Variants in GRAMD1B observed in about 807,000 individuals in gnomAD.
GRAMD1B encodes protein Aster-B.
GRAMD1B carries 37 observed loss-of-function variants against 99.7 expected under a neutral mutation model. The ratio of observed to expected loss-of-function variants is 0.37; its 90% CI spans 0.29 to 0.49. The LOEUF is 0.49. GRAMD1B is among the 20% of genes least tolerant of loss of function. The pLI is 0.98. For missense variants in GRAMD1B, 888 were observed against 1,009.2 expected, an observed-to-expected ratio of 0.88 and a Z score of 1.63; for synonymous variants, 427 against 387.6, an observed-to-expected ratio of 1.10 and a Z score of -1.19.
chr11:123,417,098 G>C (rs769091041), intron 1 of GRAMD1B, among the ~76,000 whole-genome samples: 5 of 152,190 alleles, frequency 3.3e-5, no homozygotes, highest in African/African-American at 7.2e-5. Flanking sequence ...GTGTAGGCAG[G>C]GTGCAGTGGC....
At chr11:123,580,689 A>G (rs1238083537) in intron 3 of GRAMD1B, among the ~76,000 whole-genome samples, 4 of 152,104 alleles carry the variant, frequency 2.6e-5, no homozygotes, top group East Asian at 3.9e-4. Flanking sequence ...TTCCCTCCCA[A>G]TGAGTTTGTG....
At chr11:123,400,538 C>A (rs923336259) in intron 1 of GRAMD1B, among the ~76,000 whole-genome samples, 2 of 152,018 alleles carry the variant, frequency 1.3e-5, no homozygotes, top group Non-Finnish European at 2.9e-5. Flanking sequence ...GGCTGGAAGT[C>A]CAACATTAAG....
At chr11:123,439,277 A>G (rs1232741319) in intron 1 of GRAMD1B, among the ~76,000 whole-genome samples, 1 of 152,156 alleles carries the variant, frequency 6.6e-6, no homozygotes, top group Non-Finnish European at 1.5e-5. Flanking sequence ...TGGGTTTTCC[A>G]GTGGGAGAAG....
upstream of GRAMD1B, among the ~76,000 whole-genome samples, chr11:123,426,305 G>A (rs1216532851): frequency 6.6e-6 from 1 of 152,174 alleles, no homozygotes; most frequent in Non-Finnish European, 1.5e-5. Flanking sequence ...CCCAGTCTTA[G>A]TCATTCAGGC....
At chr11:123,608,303 T>G (rs899982044) in intron 11 of GRAMD1B, 6 of 590,416 alleles carry the variant, frequency 1.0e-5, no homozygotes, top group Non-Finnish European at 1.5e-5. Context: ...AAAACCCCAT[T>G]CTTTGGGTTT....
intron 1 of GRAMD1B, among the ~76,000 whole-genome samples, chr11:123,432,332 G>A (rs1199771745): frequency 3.3e-5 from 5 of 151,932 alleles, no homozygotes; most frequent in Admixed American, 3.3e-4. Flanking sequence ...CGAAGCGTGT[G>A]GATCACTTGA....
At chr11:123,439,470 G>C (rs1038017720) in intron 1 of GRAMD1B, among the ~76,000 whole-genome samples, 1 of 152,194 alleles carries the variant, frequency 6.6e-6, no homozygotes, top group Admixed American at 6.5e-5. Flanking sequence ...TCCTCACTAG[G>C]AAAATGTGGC....
intron 1 of GRAMD1B, among the ~76,000 whole-genome samples, chr11:123,471,396 A>G (rs1362053003): frequency 6.6e-6 from 1 of 152,200 alleles, no homozygotes; most frequent in African/African-American, 2.4e-5. Flanking sequence ...TGCTTAGTAC[A>G]TAGTTGATGC....
chr11:123,605,928 T>C (rs552130591), intron 10 of GRAMD1B, among the ~76,000 whole-genome samples: 2 of 152,362 alleles, frequency 1.3e-5, no homozygotes, highest in African/African-American at 4.8e-5. Context: ...GTAGACTTTA[T>C]GGAAGCCATA....
At chr11:123,540,930 A>T (rs1944450130) in intron 2 of GRAMD1B, among the ~76,000 whole-genome samples, 1 of 151,984 alleles carries the variant, frequency 6.6e-6, no homozygotes, top group Non-Finnish European at 1.5e-5. Context: ...GTTTTTTTTA[A>T]TTTAAAAATA....
At chr11:123,457,404 C>T (rs1172090436) in intron 1 of GRAMD1B, among the ~76,000 whole-genome samples, 1 of 152,194 alleles carries the variant, frequency 6.6e-6, no homozygotes, top group African/African-American at 2.4e-5. Flanking sequence ...TGGTTTAGTT[C>T]ACGTGTTTTA....
Position 123,610,170 on chromosome 11 carries a change from G to C in GRAMD1B, c.1777-26G>C. ...AAGCTTCTTGCTCCTCTTCAGTTTT[G>C]TCCAATGGACCTTTCCTGCCCGCAG... On this transcript the variant is annotated intron_variant, in intron 13 of 19. Transcript: ENST00000635736. The surrounding 1 kb of genome is among the most constrained non-coding windows in gnomAD (Gnocchi z 4.1). The C allele has an allele frequency of 1.2e-6, 2 of 1,613,246 alleles. No individual in the cohort carries two copies. The highest frequency in any genetic ancestry group is 1.7e-6 in the Non-Finnish European group (2 of 1,179,422).
chr11:123,625,662 C>A lies in GRAMD1B; in HGVS notation c.*3067C>A, dbSNP rs946423944. The stretch of plus-strand genomic sequence containing the variant: ...TGTGGCCTTGGGCAAGTCACTCCCC[C>A]TCTCTGAGCTTCAGTATCCTCCTGT... On this transcript the variant is annotated 3_prime_UTR_variant, in exon 20 of 20. Coordinates refer to ENST00000635736, the MANE Select transcript of GRAMD1B (RefSeq NM_001387025.1). The A allele has an allele frequency of 2.0e-5, 3 of 152,632 alleles. No individual in the cohort carries two copies. Among genetic ancestry groups the A allele is most frequent in the African/African-American group, 4.8e-5 (2 of 41,444 alleles). 9.5% of individuals were successfully genotyped at this position (152,632 alleles called of 1,614,324 possible).
At position 123,592,819 on chromosome 11, in the gene GRAMD1B, C is replaced by T. The variant is rs189845724; in HGVS notation, c.685-1263C>T. Among the ~76,000 whole-genome samples, 396 of 152,212 alleles carry T rather than the reference C, an allele frequency of 2.6e-3. 2 individuals carry two copies. Among genetic ancestry groups the T allele is most frequent in the African/African-American group, 9.3e-3 (388 of 41,524 alleles). ...TGGAGTGTGGGTGTCTCCGTTTGGCCGTGCGTGGCTCGTCCCAGGTTTTGC... is the reference window on the plus strand; with the variant it reads ...TGGAGTGTGGGTGTCTCCGTTTGGCTGTGCGTGGCTCGTCCCAGGTTTTGC... On this transcript the variant is annotated intron_variant, in intron 4 of 19. Transcript: ENST00000635736.
chr11:123,379,887 G>A (rs193008358), intron 1 of GRAMD1B, among the ~76,000 whole-genome samples: 4 of 152,238 alleles, frequency 2.6e-5, no homozygotes, highest in East Asian at 3.9e-4. Flanking sequence ...CCATCCTAGT[G>A]GCCATGAAGT....
chr11:123,519,076 G>T (rs1430055372), intron 2 of GRAMD1B, among the ~76,000 whole-genome samples: 5 of 152,216 alleles, frequency 3.3e-5, no homozygotes, highest in Admixed American at 3.3e-4. Context: ...CTCTGGCCGG[G>T]TGCCTGCCCT....
chr11:123,490,973 AG>A (rs770075684), intron 2 of GRAMD1B, among the ~76,000 whole-genome samples: 20 of 152,220 alleles, frequency 1.3e-4, no homozygotes, highest in South Asian at 2.1e-4. Flanking sequence ...GAATGAGAAT[AG>A]TGTGATGTTT....
intron 1 of GRAMD1B, among the ~76,000 whole-genome samples, chr11:123,402,585 G>T (rs565445082): frequency 1.3e-5 from 2 of 152,298 alleles, no homozygotes; most frequent in East Asian, 3.9e-4. Context: ...GAATTTCCCA[G>T]CATCACAGTA....
At chr11:123,450,073 C>T (rs536892356) in intron 1 of GRAMD1B, among the ~76,000 whole-genome samples, 3 of 152,170 alleles carry the variant, frequency 2.0e-5, no homozygotes, top group Admixed American at 2.0e-4. Context: ...CCAAACTTGG[C>T]ATAGTTAGGT....
Sources: gnomAD v4.1 joint callset for allele counts (sites outside exome capture counted in the v4.1 genomes callset) on GRCh38, gnomAD v4.1.1 for gene constraint, Gnocchi (gnomAD v3.1) non-coding constraint, MANE v1.5 for transcripts, NCBI Gene and HGNC (gene_info 2026-07-23, HGNC 2026-07-21) for gene names.